ADAMTSL1: variants seen among roughly 807,000 people sequenced by gnomAD.
ADAMTSL1 encodes ADAMTS-like protein 1.
Under a neutral mutation model 201.8 loss-of-function variants are expected in ADAMTSL1, and 126 were observed. That is an observed-to-expected ratio of 0.62 (90% CI 0.54 to 0.72). The LOEUF (loss-of-function observed/expected upper bound fraction) is 0.72, where lower values mean the gene tolerates loss of function less well. Among genes scored for constraint, ADAMTSL1 ranks in the 30% least tolerant of loss-of-function variants. The pLI, the probability that ADAMTSL1 is intolerant of heterozygous loss-of-function variation, is 0.00. For synonymous variants in ADAMTSL1, 1,121 were observed against 903.4 expected (o/e 1.24, Z -4.32); for missense variants, 2,679 against 2,277.8 (o/e 1.18, Z -3.59).
At chr9:18,271,886 T>C (rs559526764) in intron 2 of ADAMTSL1, among the ~76,000 whole-genome samples, 105 of 152,192 alleles carry the variant, frequency 6.9e-4, no homozygotes, top group African/African-American at 2.5e-3. Context: ...TGTGAGATGG[T>C]ATCTCATTGT....
chr9:18,838,567 C>T (rs1176785758), intron 23 of ADAMTSL1, among the ~76,000 whole-genome samples: 1 of 152,000 alleles, frequency 6.6e-6, no homozygotes, highest in East Asian at 1.9e-4. Context: ...TGATTCACAC[C>T]TGTAATCCCA....
At chr9:18,076,355 A>G (rs1823224190) in intron 1 of ADAMTSL1, among the ~76,000 whole-genome samples, 1 of 152,190 alleles carries the variant, frequency 6.6e-6, no homozygotes, top group South Asian at 2.1e-4. Context: ...CGTGAGGTGG[A>G]CACAGGTAAA....
chr9:18,383,556 G>A (rs1027253496), intron 2 of ADAMTSL1, among the ~76,000 whole-genome samples: 2 of 152,084 alleles, frequency 1.3e-5, no homozygotes, highest in African/African-American at 4.8e-5. Context: ...TTAAGCCACT[G>A]TGTTTCAGGG....
intron 1 of ADAMTSL1, among the ~76,000 whole-genome samples, chr9:17,954,379 G>A (rs1827848168): frequency 6.6e-6 from 1 of 152,174 alleles, no homozygotes; most frequent in Non-Finnish European, 1.5e-5. Context: ...ATGGTAGAAT[G>A]GCAAAGAATT....
intron 1 of ADAMTSL1, among the ~76,000 whole-genome samples, chr9:17,987,889 C>G (rs1159540651): frequency 6.6e-6 from 1 of 152,012 alleles, no homozygotes; most frequent in African/African-American, 2.4e-5. Context: ...CTGTGATAAC[C>G]CAGGATATAT....
In ADAMTSL1 at chr9:18,895,219, A is replaced by G. The variant is rs141663353; in HGVS notation, c.4851+2623A>G. Among the ~76,000 whole-genome samples, 29 of 152,340 alleles carry G rather than the reference A, an allele frequency of 1.9e-4. No individual in the cohort carries two copies. The East Asian group carries it at 5.2e-3, about 27-fold the overall frequency. ...CAAGAATTCCCAGTGTAGTCAAGGG[A>G]CATTAGCAAAATGGCAAATTAGGAC... is the stretch of plus-strand genomic sequence containing the variant. On this transcript the variant is annotated intron_variant, in intron 26 of 28. Transcript: ENST00000380548.
At chr9:18,380,199 T>G (rs957591169) in intron 2 of ADAMTSL1, among the ~76,000 whole-genome samples, 1 of 152,144 alleles carries the variant, frequency 6.6e-6, no homozygotes, top group Non-Finnish European at 1.5e-5. Flanking sequence ...AATTTGAATG[T>G]TATATTGTCA....
At chr9:18,104,019 T>C (rs1041675015) in intron 1 of ADAMTSL1, among the ~76,000 whole-genome samples, 1 of 152,232 alleles carries the variant, frequency 6.6e-6, no homozygotes, top group Non-Finnish European at 1.5e-5. Context: ...AAAGTTACTT[T>C]ATCATGTGTG....
intron 1 of ADAMTSL1, among the ~76,000 whole-genome samples, chr9:17,928,723 G>A (rs1826655536): frequency 6.6e-6 from 1 of 152,108 alleles, no homozygotes; most frequent in Non-Finnish European, 1.5e-5. Context: ...GAGCCTGGGT[G>A]ACAGAGCAAG....
chr9:18,512,234 G>A (rs1263826644), intron 2 of ADAMTSL1, among the ~76,000 whole-genome samples: 1 of 152,078 alleles, frequency 6.6e-6, no homozygotes, highest in Admixed American at 6.6e-5. Flanking sequence ...ATATCTTAGG[G>A]GGGTGTATTG....
chr9:18,460,301 C>T (rs1002475220), intron 2 of ADAMTSL1, among the ~76,000 whole-genome samples: 8 of 152,126 alleles, frequency 5.3e-5, no homozygotes, highest in Non-Finnish European at 7.4e-5. Flanking sequence ...TCAAGATTTT[C>T]GAGGACTTGC....
At chr9:18,056,765 C>T (rs1448025197) in intron 1 of ADAMTSL1, among the ~76,000 whole-genome samples, 4 of 152,146 alleles carry the variant, frequency 2.6e-5, no homozygotes, top group Non-Finnish European at 4.4e-5. Flanking sequence ...CTACATTTCC[C>T]CAGCGCATTC....
intron 5 of ADAMTSL1, among the ~76,000 whole-genome samples, chr9:18,624,864 T>A (rs950964832): frequency 1.3e-5 from 2 of 152,168 alleles, no homozygotes; most frequent in African/African-American, 4.8e-5. Context: ...ATACACAACC[T>A]GATGATTATA....
At chr9:18,003,498 T>C (rs1050007927) in intron 1 of ADAMTSL1, among the ~76,000 whole-genome samples, 9 of 152,098 alleles carry the variant, frequency 5.9e-5, no homozygotes, top group Non-Finnish European at 1.2e-4. Flanking sequence ...TCTGCATTTC[T>C]TTCCCATCGG....
intron 1 of ADAMTSL1, among the ~76,000 whole-genome samples, chr9:17,945,912 C>T (rs1225248096): frequency 6.6e-6 from 1 of 151,442 alleles, no homozygotes; most frequent in African/African-American, 2.4e-5. Context: ...CACATGTATA[C>T]ATATGTAACT....
chr9:18,668,749 G>A (rs1192008734), intron 9 of ADAMTSL1, among the ~76,000 whole-genome samples: 1 of 152,210 alleles, frequency 6.6e-6, no homozygotes, highest in Non-Finnish European at 1.5e-5. Context: ...TGATTGAATT[G>A]AGAAACAGAC....
At chr9:17,957,251 G>A (rs1466426724) in intron 1 of ADAMTSL1, among the ~76,000 whole-genome samples, 1 of 152,122 alleles carries the variant, frequency 6.6e-6, no homozygotes, top group Non-Finnish European at 1.5e-5. Flanking sequence ...GAGAATCAGA[G>A]CCTAGAAGAG....
In ADAMTSL1 at chr9:18,206,170, A is replaced by G. The variant is rs141947414; in HGVS notation, c.207+42189A>G. On this transcript the variant is annotated intron_variant, in intron 2 of 29. Coordinates refer to the ADAMTSL1 transcript ENST00000680146. The stretch of plus-strand genomic sequence containing the variant: ...ATTTTTCAATATGGATCATCTTTTC[A>G]TTGCAGAAGCCCAAAGTTGGAACTT... Among the ~76,000 whole-genome samples the G allele has an allele frequency of 4.4e-3, 661 of 150,234 alleles. 2 individuals are homozygous for G. The highest frequency in any genetic ancestry group is 0.014 in the Middle Eastern group (4 of 288).
At chr9:18,212,724 G>C (rs7034302) in intron 2 of ADAMTSL1, among the ~76,000 whole-genome samples, 199 of 152,254 alleles carry the variant, frequency 1.3e-3, no homozygotes, top group African/African-American at 4.6e-3. Flanking sequence ...GTTAGAGTTT[G>C]AGTTGTCTTC....
Sources: allele counts gnomAD v4.1 joint callset (sites outside exome capture counted in the v4.1 genomes callset), GRCh38; gene constraint gnomAD v4.1.1; transcripts MANE v1.5; gene names NCBI Gene and HGNC (gene_info 2026-07-23, HGNC 2026-07-21).